The following DOCK5 variants were observed in gnomAD, a reference collection of about 807,000 sequenced individuals.
The protein encoded by DOCK5 is dedicator of cytokinesis protein 5.
DOCK5 carries 142 observed loss-of-function variants against 251.8 expected under a neutral mutation model. The observed-to-expected ratio is 0.56, with a 90% CI of 0.49 to 0.65. DOCK5 has a LOEUF of 0.65. DOCK5 is among the 30% of genes least tolerant of loss of function. The pLI is 0.00. For missense variants in DOCK5, 2,111 were observed against 2,312.3 expected (o/e 0.91, Z 1.79); for synonymous variants, 842 against 835.5 (o/e 1.01, Z -0.13).
rs552070047 is a variant in DOCK5 at position 25,361,426 on chromosome 8, G to A, written c.2950-1621G>A. Among the ~76,000 whole-genome samples, 12 of 152,020 alleles carry A rather than the reference G, an allele frequency of 7.9e-5. 1 individual carries two copies. The South Asian group carries it at 1.5e-3, about 18-fold the overall frequency. On this transcript the variant is annotated intron_variant, in intron 28 of 51. Coordinates refer to ENST00000276440, the MANE Select transcript of DOCK5 (RefSeq NM_024940.8). ...GGAGTTCGAGACCAGCCTAGCCCAC[G>A]TGATGAAACCCCATCTCTACTAAAA...
chr8:25,223,127 G>T (rs1802434969), intron 1 of DOCK5, among the ~76,000 whole-genome samples: 2 of 152,130 alleles, frequency 1.3e-5, no homozygotes, highest in Admixed American at 1.3e-4. Flanking sequence ...AATGTTTTAT[G>T]ATTGGGACTA....
intron 13 of DOCK5, among the ~76,000 whole-genome samples, chr8:25,315,390 G>T (rs1805216460): frequency 6.6e-6 from 1 of 152,056 alleles, no homozygotes; most frequent in African/African-American, 2.4e-5. Flanking sequence ...CTAATGGTGG[G>T]TTTACTTGTG....
At chr8:25,382,518 G>A (rs976604700) in intron 39 of DOCK5, among the ~76,000 whole-genome samples, 156 bp from the exon 40 acceptor site, 7 of 152,156 alleles carry the variant, frequency 4.6e-5, no homozygotes, top group Admixed American at 2.6e-4. Flanking sequence ...CCTGTGATCC[G>A]AGAATAGGAT....
chr8:25,372,458 A>C, intron 34 of DOCK5, 101 bp from the exon 35 acceptor site: 1 of 1,270,998 alleles, frequency 7.9e-7, no homozygotes, highest in African/African-American at 1.5e-5. Context: ...GTGTCATCAA[A>C]TCCTGCCCCA....
chr8:25,364,220 G>A (rs1468341397), intron 29 of DOCK5, among the ~76,000 whole-genome samples: 1 of 152,168 alleles, frequency 6.6e-6, no homozygotes, highest in Non-Finnish European at 1.5e-5. Context: ...CCAATTCTGA[G>A]TAATTCTACT....
intron 2 of DOCK5, among the ~76,000 whole-genome samples, chr8:25,255,799 C>T (rs1376093540): frequency 6.6e-6 from 1 of 152,130 alleles, no homozygotes; most frequent in Non-Finnish European, 1.5e-5. Flanking sequence ...CTTTCTGTAC[C>T]TTCTGCTCAG....
chr8:25,381,578 T>C (rs1367037877), intron 39 of DOCK5, among the ~76,000 whole-genome samples: 3 of 151,318 alleles, frequency 2.0e-5, no homozygotes, highest in Non-Finnish European at 2.9e-5. Flanking sequence ...CAGTGAACTG[T>C]AATCATGCTA....
chr8:25,297,928 A>ATGAC (rs1184390328), intron 7 of DOCK5, among the ~76,000 whole-genome samples: 1 of 151,922 alleles, frequency 6.6e-6, no homozygotes, highest in African/African-American at 2.4e-5. Flanking sequence ...GTGGTAGTGC[A>ATGAC]TGACTGTAGT....
intron 2 of DOCK5, among the ~76,000 whole-genome samples, chr8:25,254,941 A>G (rs1187730445): frequency 6.6e-6 from 1 of 152,158 alleles, no homozygotes; most frequent in Non-Finnish European, 1.5e-5. Flanking sequence ...TATGGCATGT[A>G]AGTGTGTGAA....
intron 2 of DOCK5, among the ~76,000 whole-genome samples, chr8:25,249,574 C>T (rs951685812): frequency 6.6e-6 from 1 of 152,098 alleles, no homozygotes. Flanking sequence ...TGACTGGCTG[C>T]CTTCATTTGG....
intron 25 of DOCK5, among the ~76,000 whole-genome samples, chr8:25,343,026 T>A (rs1184935762): frequency 6.6e-6 from 1 of 151,962 alleles, no homozygotes; most frequent in Admixed American, 6.6e-5. Context: ...TAAGACGGAA[T>A]CTCACTCCCT....
intron 2 of DOCK5, among the ~76,000 whole-genome samples, chr8:25,257,180 G>A (rs1248521961): frequency 6.6e-6 from 1 of 152,136 alleles, no homozygotes; most frequent in African/African-American, 2.4e-5. Flanking sequence ...CCAGAAGACA[G>A]ACCTAAGCAC....
chr8:25,374,994 A>G (rs1563221047), intron 37 of DOCK5: 3 of 1,158,428 alleles, frequency 2.6e-6, no homozygotes, highest in South Asian at 1.7e-5. Flanking sequence ...ATAAGTGAAT[A>G]TAGTACCATA....
chr8:25,367,116 G>A (rs780353365), intron 31 of DOCK5, 146 bp downstream of exon 31: 3 of 688,968 alleles, frequency 4.4e-6, no homozygotes, highest in Non-Finnish European at 7.6e-6. Context: ...TACTTAATAG[G>A]CCTCACATTC....
intron 1 of DOCK5, among the ~76,000 whole-genome samples, chr8:25,187,364 T>TTGTG (rs34685735): frequency 0.018 from 2,460 of 136,578 alleles, 47 homozygotes; most frequent in African/African-American, 0.051. Context: ...TGGGTGGAAA[T>TTGTG]TGTGTGTGTG....
intron 22 of DOCK5, among the ~76,000 whole-genome samples, chr8:25,340,574 G>T (rs992695211): frequency 6.6e-6 from 1 of 152,200 alleles, no homozygotes; most frequent in African/African-American, 2.4e-5. Context: ...GCATGTATCA[G>T]CGAAGACTAA....
At chr8:25,405,758 G>A (rs1252977795) in intron 48 of DOCK5, among the ~76,000 whole-genome samples, 1 of 152,002 alleles carries the variant, frequency 6.6e-6, no homozygotes, top group African/African-American at 2.4e-5. Context: ...AACATAAAAT[G>A]CCTTTCCATA....
chr8:25,321,586 G>C (rs565478404), intron 16 of DOCK5, among the ~76,000 whole-genome samples: 1 of 152,220 alleles, frequency 6.6e-6, no homozygotes, highest in Non-Finnish European at 1.5e-5. Flanking sequence ...GTCACAATAG[G>C]GTTCGGCTCC....
At chr8:25,276,808 G>A (rs1436818596) in intron 4 of DOCK5, 1 of 152,140 alleles carries the variant, frequency 6.6e-6, no homozygotes, top group Non-Finnish European at 1.5e-5. Context: ...AACTCCAAAA[G>A]GCAGTGAAAT....
Sources: gnomAD v4.1 joint callset for allele counts (sites outside exome capture counted in the v4.1 genomes callset) on GRCh38, gnomAD v4.1.1 for gene constraint, MANE v1.5 for transcripts, NCBI Gene and HGNC (gene_info 2026-07-23, HGNC 2026-07-21) for gene names.